FNDC3A: variants seen among roughly 807,000 people sequenced by gnomAD.
FNDC3A encodes the protein fibronectin type III domain containing 3A.
In FNDC3A, 32 loss-of-function variants were observed where a neutral mutation model predicts 148.9. The observed-to-expected ratio is 0.21, with a 90% CI of 0.16 to 0.29. The LOEUF is 0.29. Among genes scored for constraint, FNDC3A ranks in the 10% least tolerant of loss-of-function variants. The pLI is 1.00. For missense variants in FNDC3A, 1,191 were observed against 1,452.8 expected (o/e 0.82, Z 2.93); for synonymous variants, 472 against 473.6 (o/e 1.00, Z 0.04).
rs75595321 is a variant in FNDC3A at position 49,201,470 on chromosome 13, C to G, written c.2988-330C>G. Among the ~76,000 whole-genome samples the G allele has an allele frequency of 4.6e-5, 7 of 152,176 alleles. No individual in the cohort carries two copies. In the East Asian group the frequency reaches 1.3e-3, roughly 29 times the overall value. On this transcript the variant is annotated intron_variant, in intron 23 of 25. Transcript: ENST00000492622. ...ATGAAAATTGTGATGTTCTGAGCAT[C>G]TTTTAAAATGTACATTAACAAAACA... is the stretch of plus-strand genomic sequence containing the variant.
At position 49,131,242 on chromosome 13, in the gene FNDC3A, C is replaced by T; in HGVS notation, c.358C>T (p.Pro120Ser). Residue 120 changes from proline to serine, a missense_variant, in exon 5 of 26, where the codon CCT becomes TCT. This residue lies in a region of FNDC3A where 426 missense variants were observed against 473.2 expected (regional missense o/e 0.90). Coordinates refer to ENST00000492622, the MANE Select transcript of FNDC3A (RefSeq NM_001079673.2). Reference protein sequence around the residue: ...VLHRSPHPPLPGFIPVPTMMP... With the variant: ...VLHRSPHPPLSGFIPVPTMMP... ...CCACCGTTCTCCACATCCTCCTCTA[C>T]CTGGTTTCATTCCTGTCCCAACTAT... The T allele has an allele frequency of 6.2e-7, 1 of 1,614,074 alleles. No individual in the cohort carries two copies. Among genetic ancestry groups the T allele is most frequent in the Non-Finnish European group, 8.5e-7 (1 of 1,179,984 alleles).
At chr13:49,041,660 A>C (rs767011765) in intron 2 of FNDC3A, among the ~76,000 whole-genome samples, 17 of 152,032 alleles carry the variant, frequency 1.1e-4, no homozygotes, top group Non-Finnish European at 1.9e-4. Flanking sequence ...AAACTACTAA[A>C]ATTGGCTGGG....
At chr13:49,186,147 T>A (rs1885558051) in intron 15 of FNDC3A, 45 bp downstream of exon 15, 1 of 1,443,474 alleles carries the variant, frequency 6.9e-7, no homozygotes, top group African/African-American at 1.4e-5. Context: ...TTGCGTTTGA[T>A]TAAAATAATT....
chr13:49,017,174 G>A (rs1350750901), intron 2 of FNDC3A, among the ~76,000 whole-genome samples: 9 of 151,944 alleles, frequency 5.9e-5, no homozygotes, highest in East Asian at 1.9e-4. Flanking sequence ...TTTCTGTCTC[G>A]TTGATCTGTC....
chr13:49,091,435 C>G (rs145292395), intron 3 of FNDC3A, among the ~76,000 whole-genome samples: 212 of 152,204 alleles, frequency 1.4e-3, no homozygotes, highest in African/African-American at 4.9e-3. Context: ...AAGTCCCTGA[C>G]CATCCAGCTA....
intron 16 of FNDC3A, chr13:49,187,775 TG>T (rs1224657708): frequency 1.3e-6 from 1 of 751,718 alleles, no homozygotes; most frequent in Non-Finnish European, 2.2e-6. Flanking sequence ...TTTCTTTGTT[TG>T]TAGCAGTTAG....
At chr13:48,984,596 A>G (rs1194446781) in intron 1 of FNDC3A, among the ~76,000 whole-genome samples, 5 of 152,216 alleles carry the variant, frequency 3.3e-5, no homozygotes, top group South Asian at 2.1e-4. Flanking sequence ...GGGACAATCA[A>G]CTGTTTAATT....
chr13:49,192,534 A>G (rs991833131), intron 19 of FNDC3A, among the ~76,000 whole-genome samples: 1 of 152,072 alleles, frequency 6.6e-6, no homozygotes, highest in African/African-American at 2.4e-5. Flanking sequence ...TGGGCTCAAG[A>G]GATCTACCCA....
At chr13:49,024,965 T>C (rs545150059) in intron 2 of FNDC3A, among the ~76,000 whole-genome samples, 31 of 152,068 alleles carry the variant, frequency 2.0e-4, no homozygotes, top group Non-Finnish European at 3.5e-4. Context: ...AAAAAATATT[T>C]TGTTGCTACT....
intron 2 of FNDC3A, among the ~76,000 whole-genome samples, chr13:49,071,499 G>A (rs993567544): frequency 5.3e-5 from 8 of 152,098 alleles, no homozygotes; most frequent in East Asian, 3.9e-4. Flanking sequence ...TACCAACAGT[G>A]TAAGAGCATT....
intron 1 of FNDC3A, among the ~76,000 whole-genome samples, chr13:48,980,039 T>C (rs1951669731): frequency 6.6e-6 from 1 of 152,072 alleles, no homozygotes; most frequent in Non-Finnish European, 1.5e-5. Context: ...TTTATGACTA[T>C]CATGTATATA....
At chr13:49,033,302 A>C (rs576995809) in intron 2 of FNDC3A, among the ~76,000 whole-genome samples, 17 of 152,306 alleles carry the variant, frequency 1.1e-4, no homozygotes, top group Non-Finnish European at 2.1e-4. Flanking sequence ...CTATGGTGAT[A>C]TAGTCATGTA....
intron 23 of FNDC3A, among the ~76,000 whole-genome samples, chr13:49,198,789 G>A (rs959037143): frequency 1.3e-5 from 2 of 152,112 alleles, no homozygotes; most frequent in Non-Finnish European, 2.9e-5. Context: ...TTTTAATGAA[G>A]TAAGTTTTCA....
chr13:49,067,456 A>T (rs1877341270), intron 2 of FNDC3A, among the ~76,000 whole-genome samples: 1 of 152,174 alleles, frequency 6.6e-6, no homozygotes, highest in South Asian at 2.1e-4. Flanking sequence ...GAATCATTGT[A>T]TCCATAGGGT....
At chr13:49,196,755 C>A in intron 19 of FNDC3A, 122 bp from the exon 20 acceptor site, 1 of 501,452 alleles carries the variant, frequency 2.0e-6, no homozygotes. Flanking sequence ...GAATTATGAC[C>A]AAATTAATCT....
intron 2 of FNDC3A, among the ~76,000 whole-genome samples, chr13:49,028,455 G>T (rs1286305961): frequency 6.6e-6 from 1 of 151,762 alleles, no homozygotes; most frequent in Non-Finnish European, 1.5e-5. Context: ...GCCCAGGCTG[G>T]TCTCAAACTC....
intron 19 of FNDC3A, among the ~76,000 whole-genome samples, chr13:49,191,708 TTTTTTGAGGCTGATTGAAGTTTTTGAGG>T (rs1175102088): frequency 3.4e-4 from 52 of 152,142 alleles, no homozygotes; most frequent in Non-Finnish European, 4.6e-4. Flanking sequence ...AGTACTGAAG[TTTTTTGAGGCTGATTGAAGTTTTTGAGG>T]TTTTTGAGGC....
At chr13:49,064,197 C>T (rs757980246) in intron 2 of FNDC3A, among the ~76,000 whole-genome samples, 10 of 151,976 alleles carry the variant, frequency 6.6e-5, no homozygotes, top group South Asian at 2.1e-4. Context: ...AAAAATTAGC[C>T]GGGCATGGTG....
chr13:48,982,419 G>T (rs980703411), intron 1 of FNDC3A, among the ~76,000 whole-genome samples: 8 of 151,890 alleles, frequency 5.3e-5, no homozygotes, highest in African/African-American at 1.9e-4. Context: ...TAACTATTAG[G>T]ATCAGCTTTT....
Sources: gnomAD v4.1 joint callset for allele counts (sites outside exome capture counted in the v4.1 genomes callset) on GRCh38, gnomAD v4.1.1 for gene constraint, gnomAD v4.1.1 regional missense constraint, MANE v1.5 for transcripts, NCBI Gene and HGNC (gene_info 2026-07-23, HGNC 2026-07-21) for gene names.